The following PRKCH variants were observed in gnomAD, a reference collection of about 807,000 sequenced individuals.
PRKCH encodes the protein protein kinase C eta.
In PRKCH, 28 loss-of-function variants were observed where a neutral mutation model predicts 82.5. The observed-to-expected ratio is 0.34, with a 90% CI of 0.25 to 0.47. The LOEUF (loss-of-function observed/expected upper bound fraction) is 0.47, where lower values mean the gene tolerates loss of function less well. PRKCH is among the 20% of genes least tolerant of loss of function. The pLI, the probability that PRKCH is intolerant of heterozygous loss-of-function variation, is 1.00. For missense variants in PRKCH, 705 were observed against 881.8 expected, an observed-to-expected ratio of 0.80 and a Z score of 2.54; for synonymous variants, 322 against 327.4, an observed-to-expected ratio of 0.98 and a Z score of 0.18.
At chr14:61,502,296 C>T (rs1399853969) in intron 10 of PRKCH, among the ~76,000 whole-genome samples, 3 of 151,936 alleles carry the variant, frequency 2.0e-5, no homozygotes, top group South Asian at 2.1e-4. Flanking sequence ...CTCCTGACCT[C>T]GTGATCCGCA....
At chr14:61,518,652 C>T (rs2042860837) in intron 10 of PRKCH, among the ~76,000 whole-genome samples, 2 of 152,030 alleles carry the variant, frequency 1.3e-5, no homozygotes, top group African/African-American at 2.4e-5. Context: ...ATCTCTGAGT[C>T]CCTTTGCTCA....
At chr14:61,513,750 C>T (rs182318898) in intron 10 of PRKCH, among the ~76,000 whole-genome samples, 2 of 152,008 alleles carry the variant, frequency 1.3e-5, no homozygotes, top group Admixed American at 6.5e-5. Flanking sequence ...CAAATAGTTT[C>T]GAAAAACTCT....
At chr14:61,461,823 T>G (rs1885040920) in intron 9 of PRKCH, among the ~76,000 whole-genome samples, 2 of 152,168 alleles carry the variant, frequency 1.3e-5, no homozygotes, top group South Asian at 4.1e-4. Flanking sequence ...ATGTATAAAT[T>G]CTACAGTATA....
intron 1 of PRKCH, among the ~76,000 whole-genome samples, chr14:61,376,560 C>G (rs540669361): frequency 6.6e-6 from 1 of 152,278 alleles, no homozygotes; most frequent in South Asian, 2.1e-4. Flanking sequence ...CTACAGCTGC[C>G]TTTGGGCTTT....
chr14:61,270,025 G>A (rs1389672546), intron 1 of PRKCH, among the ~76,000 whole-genome samples: 1 of 152,210 alleles, frequency 6.6e-6, no homozygotes, highest in Non-Finnish European at 1.5e-5. Context: ...AAAGGGGCTG[G>A]CACTGAGCCC....
At chr14:61,505,004 C>G (rs576699238) in intron 10 of PRKCH, among the ~76,000 whole-genome samples, 2 of 152,232 alleles carry the variant, frequency 1.3e-5, no homozygotes, top group East Asian at 3.9e-4. Context: ...CTAGTGTAAG[C>G]ACACAAACAA....
At chr14:61,231,723 T>C (rs1013875383) in intron 1 of PRKCH, among the ~76,000 whole-genome samples, 2 of 152,186 alleles carry the variant, frequency 1.3e-5, no homozygotes, top group African/African-American at 4.8e-5. Context: ...AAAAATATTT[T>C]TTTCTAATTC....
chr14:61,279,996 G>T, intron 1 of PRKCH: 2 of 1,075,556 alleles, frequency 1.9e-6, no homozygotes, highest in Admixed American at 5.5e-5. Flanking sequence ...GAAAAGCTAG[G>T]CGAGGTTGGA....
At chr14:61,368,052 G>A (rs2046320011) in intron 1 of PRKCH, among the ~76,000 whole-genome samples, 1 of 151,942 alleles carries the variant, frequency 6.6e-6, no homozygotes, top group South Asian at 2.1e-4. Context: ...TTAGTATGAG[G>A]GCCTTGGAGG....
chr14:61,192,043 T>TGTGTGTGC (rs2044410113), intron 1 of PRKCH, among the ~76,000 whole-genome samples: 1 of 151,198 alleles, frequency 6.6e-6, no homozygotes, highest in African/African-American at 2.5e-5. Flanking sequence ...TGTGTGTGTG[T>TGTGTGTGC]GTGCCTGAAA....
intron 1 of PRKCH, among the ~76,000 whole-genome samples, chr14:61,200,483 G>A (rs1474469841): frequency 2.0e-5 from 3 of 151,998 alleles, no homozygotes; most frequent in African/African-American, 7.2e-5. Context: ...AAAAAGCCAG[G>A]TCACATGGGA....
intron 2 of PRKCH, among the ~76,000 whole-genome samples, chr14:61,425,538 C>A (rs1447149134): frequency 6.6e-6 from 1 of 152,206 alleles, no homozygotes; most frequent in African/African-American, 2.4e-5. Context: ...TTATCCAGTG[C>A]CTGTACCACC....
intron 1 of PRKCH, among the ~76,000 whole-genome samples, chr14:61,198,649 C>A (rs2044458121): frequency 6.6e-6 from 1 of 152,140 alleles, no homozygotes; most frequent in African/African-American, 2.4e-5. Flanking sequence ...GTTCAACAAA[C>A]CTTTTTCTTT....
At chr14:61,327,219 C>T (rs1259743009) in intron 1 of PRKCH, 2 of 428,916 alleles carry the variant, frequency 4.7e-6, no homozygotes, top group Non-Finnish European at 9.5e-6. Context: ...GGTGAAGCAG[C>T]CATGTTACTA....
At chr14:61,427,549 AT>A (rs1336109623) in intron 2 of PRKCH, among the ~76,000 whole-genome samples, 6 of 152,224 alleles carry the variant, frequency 3.9e-5, no homozygotes, top group Admixed American at 3.3e-4. Flanking sequence ...AGAGAAACAT[AT>A]TTTGGGATAA....
chr14:61,337,702 C>G (rs1421233746), intron 1 of PRKCH, among the ~76,000 whole-genome samples: 1 of 152,222 alleles, frequency 6.6e-6, no homozygotes, highest in Admixed American at 6.5e-5. Context: ...GCTGGGATTA[C>G]AGGCATGAGC....
At chr14:61,323,543 G>A (rs1385042925) in intron 1 of PRKCH, among the ~76,000 whole-genome samples, 2 of 152,188 alleles carry the variant, frequency 1.3e-5, no homozygotes, top group South Asian at 4.1e-4. Flanking sequence ...TTTACAAGTG[G>A]TGAAATCAGA....
chr14:61,460,458 G>GC lies in PRKCH; in HGVS notation c.1278+2784dup, dbSNP rs1177272325. Among the ~76,000 whole-genome samples, 3 of 152,230 alleles carry GC rather than the reference G, an allele frequency of 2.0e-5. No individual in the cohort carries two copies. In the East Asian group the frequency reaches 5.8e-4, roughly 29 times the overall value. Reference sequence around the variant, plus strand: ...TTTCACATTTTGATTGAGTTCAATTGCCCCCTCCCCCATTGTGGTTAAAGA... The same window carrying GC: ...TTTCACATTTTGATTGAGTTCAATTGCCCCCCTCCCCCATTGTGGTTAAAGA... On this transcript the variant is annotated intron_variant, in intron 9 of 13. Coordinates refer to ENST00000332981, the MANE Select transcript of PRKCH (RefSeq NM_006255.5).
At chr14:61,398,363 G>A (rs2046815459) in intron 2 of PRKCH, among the ~76,000 whole-genome samples, 1 of 152,160 alleles carries the variant, frequency 6.6e-6, no homozygotes, top group Admixed American at 6.5e-5. Context: ...ATTCATAACT[G>A]CTTTAATTGG....
Sources: gnomAD v4.1 joint callset for allele counts (sites outside exome capture counted in the v4.1 genomes callset) on GRCh38, gnomAD v4.1.1 for gene constraint, MANE v1.5 for transcripts, NCBI Gene and HGNC (gene_info 2026-07-23, HGNC 2026-07-21) for gene names.